ZNF227: variants seen among roughly 807,000 people sequenced by gnomAD.
The protein encoded by ZNF227 is zinc finger protein 227.
A neutral mutation model predicts 13.2 loss-of-function variants in ZNF227; 12 were observed. The ratio of observed to expected loss-of-function variants is 0.91; its 90% CI spans 0.58 to 1.47. The LOEUF is 1.47. Ranked by LOEUF, ZNF227 falls within the 40% of genes most tolerant of loss-of-function variation. ZNF227 has a pLI of 0.00. For synonymous variants in ZNF227, 338 were observed against 326.0 expected (o/e 1.04, Z -0.40); for missense variants, 885 against 967.5 (o/e 0.91, Z 1.13).
At chr19:44,215,979 ACTCT>A (rs1440281347) in intron 2 of ZNF227, among the ~76,000 whole-genome samples, 2 of 137,582 alleles carry the variant, frequency 1.5e-5, no homozygotes, top group African/African-American at 6.0e-5. Flanking sequence ...CAAGAGCGAA[ACTCT>A]CTCTCTAAAA....
At chr19:44,222,595 A>AT (rs1421183855) in intron 3 of ZNF227, among the ~76,000 whole-genome samples, 2 of 151,766 alleles carry the variant, frequency 1.3e-5, no homozygotes, top group Non-Finnish European at 2.9e-5. Context: ...AATGCTTGTG[A>AT]TTTTTGTACA....
Position 44,235,190 on chromosome 19 carries a change from G to A in ZNF227, c.760G>A (p.Glu254Lys). 8.7e-6 allele frequency: 14 copies of A among 1,614,118 alleles called. No individual in the cohort carries two copies. The highest frequency in any genetic ancestry group is 1.2e-5 in the Non-Finnish European group (14 of 1,180,030). ...AGGAGAGAAACCCCATCCATGTGGTGAGTGTGGAAGGGGCTTCAGTTATAG... is the reference window on the plus strand; with the variant it reads ...AGGAGAGAAACCCCATCCATGTGGTAAGTGTGGAAGGGGCTTCAGTTATAG... The part of the protein sequence containing the change: ...PLGEKPHPCG[E>K]CGRGFSYSPR... Residue 254 changes from glutamate to lysine, a missense_variant, in exon 6 of 6, where the codon GAG (glutamate) becomes AAG (lysine). Physicochemically the swap from Glu to Lys is moderately conservative, Grantham distance 56. Transcript: ENST00000313040.
chr19:44,223,901 T>G (rs1020768398), intron 3 of ZNF227, among the ~76,000 whole-genome samples: 1 of 152,194 alleles, frequency 6.6e-6, no homozygotes, highest in African/African-American at 2.4e-5. Context: ...TGTGGGCATT[T>G]AGTGCTATAA....
In ZNF227 at chr19:44,234,957, A is replaced by G. The variant is rs781604833; in HGVS notation, c.527A>G (p.His176Arg). Residue 176 changes from histidine (H) to arginine (R), a missense_variant, in exon 6 of 6, where the codon CAT (histidine) becomes CGT (arginine). His to Arg is a conservative substitution (Grantham distance 29). Transcript: ENST00000313040. ...GAGTTTCCATTTTGGAGAACCCAGC[A>G]TTCTTGCGGGAATACATATCTGAGT... ...NQEFPFWRTQ[H>R]SCGNTYLSES... The G allele has an allele frequency of 1.2e-6, 2 of 1,614,084 alleles. No individual in the cohort carries two copies. The highest frequency in any genetic ancestry group is 1.1e-5 in the South Asian group (1 of 91,038).
In ZNF227 at chr19:44,228,530, C is replaced by T. The variant is rs1175220017; in HGVS notation, c.145C>T (p.Arg49Ter). The change falls in exon 4 of 6, where the codon CGA (arginine) becomes TGA (stop). Residue 49 changes from arginine to a stop codon, truncating the protein, a stop_gained. Transcript: ENST00000313040. LOFTEE classifies it high-confidence loss of function. ...CGATCTTACCCAGAGGAAGCTGTAC[C>T]GAGATGTCATGGTGGAGAACTTCAA... ...LLDLTQRKLYRDVMVENFKNL... is the reference protein window; with the variant it reads ...LLDLTQRKLY 29 of 1,613,488 alleles carry T rather than the reference C, an allele frequency of 1.8e-5. No homozygotes were observed. The highest frequency in any genetic ancestry group is 4.5e-5 in the East Asian group (2 of 44,826).
At chr19:44,211,134 C>T (rs528800086), upstream of ZNF227, among the ~76,000 whole-genome samples, 3 of 151,344 alleles carry the variant, frequency 2.0e-5, no homozygotes, top group East Asian at 1.9e-4. Flanking sequence ...TGTGTGAGGG[C>T]GGAGGTTGCA....
At chr19:44,225,695 C>T (rs1448731616) in intron 3 of ZNF227, among the ~76,000 whole-genome samples, 1 of 152,104 alleles carries the variant, frequency 6.6e-6, no homozygotes. Flanking sequence ...TTTTTAACTT[C>T]TTTGCCATTT....
At chr19:44,225,280 C>T (rs889500431) in intron 3 of ZNF227, among the ~76,000 whole-genome samples, 42 of 151,652 alleles carry the variant, frequency 2.8e-4, no homozygotes, top group African/African-American at 8.2e-4. Context: ...ATCTTTGTGG[C>T]GTTCTCTGTA....
intron 5 of ZNF227, among the ~76,000 whole-genome samples, chr19:44,233,896 TA>T (rs145537878): frequency 1.3e-5 from 2 of 150,242 alleles, no homozygotes; most frequent in Non-Finnish European, 3.0e-5. Flanking sequence ...CGCTGTTTTT[TA>T]AAAAAAAAAT....
At chr19:44,208,903 T>G (rs925886242), upstream of ZNF227, among the ~76,000 whole-genome samples, 33 of 152,322 alleles carry the variant, frequency 2.2e-4, no homozygotes, top group African/African-American at 7.9e-4. Flanking sequence ...GTTACCCATA[T>G]TCACTGCTGT....
At position 44,236,424 on chromosome 19, in the gene ZNF227, G is replaced by C. The variant is rs777148980; in HGVS notation, c.1994G>C (p.Cys665Ser). 1 of 1,613,926 alleles carries C rather than the reference G, an allele frequency of 6.2e-7. No individual in the cohort carries two copies. The highest frequency in any genetic ancestry group is 1.7e-5 in the Admixed American group (1 of 59,944). The part of the protein sequence containing the change: ...TGEKPYKCDV[C>S]GKGFRYSSQF... Reference sequence around the variant, plus strand: ...GAAAAGCCATACAAATGTGATGTGTGTGGAAAGGGCTTTAGATACAGTTCG... The same window carrying C: ...GAAAAGCCATACAAATGTGATGTGTCTGGAAAGGGCTTTAGATACAGTTCG... Residue 665 changes from cysteine (C) to serine (S), a missense_variant, in exon 6 of 6, where the codon TGT (cysteine) becomes TCT (serine). Coordinates refer to ENST00000313040, the MANE Select transcript of ZNF227 (RefSeq NM_182490.3).
At chr19:44,208,480 A>G (rs1054429745), upstream of ZNF227, among the ~76,000 whole-genome samples, 2 of 152,304 alleles carry the variant, frequency 1.3e-5, no homozygotes, top group Admixed American at 1.3e-4. Flanking sequence ...AAATCTCAGA[A>G]CTTTCACAAA....
intron 3 of ZNF227, among the ~76,000 whole-genome samples, chr19:44,225,807 G>C (rs970745578): frequency 6.6e-6 from 1 of 152,200 alleles, no homozygotes; most frequent in African/African-American, 2.4e-5. Context: ...TTGCTGGTGA[G>C]GAGCTGCATT....
intron 2 of ZNF227, among the ~76,000 whole-genome samples, chr19:44,215,582 A>G (rs1395460390): frequency 6.6e-6 from 1 of 151,100 alleles, no homozygotes; most frequent in South Asian, 2.1e-4. Flanking sequence ...TCTGGAGTTT[A>G]TATGGTTTTG....
intron 2 of ZNF227, among the ~76,000 whole-genome samples, chr19:44,215,643 T>G (rs1228653622): frequency 6.6e-6 from 1 of 152,040 alleles, no homozygotes; most frequent in Non-Finnish European, 1.5e-5. Flanking sequence ...AATACTAAAC[T>G]TAATCAGCAT....
At chr19:44,218,261 C>A (rs1465550513) in intron 3 of ZNF227, among the ~76,000 whole-genome samples, 2 of 152,196 alleles carry the variant, frequency 1.3e-5, no homozygotes, top group Non-Finnish European at 1.5e-5. Context: ...AAAACTATTT[C>A]TTATTTAGCC....
chr19:44,216,021 T>TAA (rs11325106), intron 2 of ZNF227, among the ~76,000 whole-genome samples: 59 of 107,964 alleles, frequency 5.5e-4, no homozygotes, highest in African/African-American at 1.8e-3. Flanking sequence ...GATGTACCTT[T>TAA]AAAAAAAAAA....
intron 5 of ZNF227, 58 bp downstream of exon 5, chr19:44,229,874 C>T (rs1215545402): frequency 7.8e-7 from 1 of 1,274,184 alleles, no homozygotes; most frequent in Non-Finnish European, 1.1e-6. Context: ...TAGTCTGCAT[C>T]TTACCATGTC....
rs561975781 is a variant in ZNF227 at position 44,230,908 on chromosome 19, C to CAAAAAAAAAA, written c.271+1102_271+1111dup. 1.2e-3 allele frequency among the ~76,000 whole-genome samples: 71 copies of CAAAAAAAAAA among 57,098 alleles called. 3 individuals carry two copies. The highest frequency in any genetic ancestry group is 9.9e-3 in the African/African-American group (64 of 6,456). The allele number at this position is 57,098 out of a possible 152,430, so 37.5% of individuals were successfully genotyped here. On this transcript the variant is annotated intron_variant, in intron 5 of 5. Coordinates refer to ENST00000313040, the MANE Select transcript of ZNF227 (RefSeq NM_182490.3). ...GCAACATAGTGAGACTCCATCTCTA[C>CAAAAAAAAAA]AAAAAAAAAAAAAAAAAAATATATA...
Sources: allele counts gnomAD v4.1 joint callset (sites outside exome capture counted in the v4.1 genomes callset), GRCh38; gene constraint gnomAD v4.1.1; transcripts MANE v1.5; gene names NCBI Gene and HGNC (gene_info 2026-07-23, HGNC 2026-07-21).